Variants in RNF220 observed in about 807,000 individuals in gnomAD.
RNF220 encodes ring finger protein 220, also known as E3 ubiquitin-protein ligase RNF220.
Under a neutral mutation model 67.1 loss-of-function variants are expected in RNF220, and 7 were observed. That is an observed-to-expected ratio of 0.10 (90% confidence interval 0.06 to 0.20). The LOEUF is 0.20. Ranked by LOEUF, RNF220 falls within the 10% of genes least tolerant of loss-of-function variation. RNF220 has a pLI of 1.00. For missense variants in RNF220, 565 were observed against 740.3 expected (o/e 0.76, Z 2.75); for synonymous variants, 270 against 283.2 (o/e 0.95, Z 0.47).
At chr1:44,589,535 A>AT (rs1160973383) in intron 2 of RNF220, among the ~76,000 whole-genome samples, 41 of 146,346 alleles carry the variant, frequency 2.8e-4, no homozygotes, top group African/African-American at 1.0e-3. Context: ...AATGGCGTGA[A>AT]CCCAGGAGGA....
chr1:44,452,769 G>T (rs188858437), intron 2 of RNF220, among the ~76,000 whole-genome samples: 7 of 152,232 alleles, frequency 4.6e-5, no homozygotes, highest in African/African-American at 1.7e-4. Flanking sequence ...ACTGTGCCCA[G>T]CCTCTACCTT....
chr1:44,455,230 A>G (rs1048855342), intron 2 of RNF220, among the ~76,000 whole-genome samples: 6 of 152,148 alleles, frequency 3.9e-5, no homozygotes, highest in African/African-American at 9.7e-5. Context: ...CCTTACTATG[A>G]TTCCCTTTAG....
chr1:44,460,027 A>G (rs1288503426), intron 2 of RNF220, among the ~76,000 whole-genome samples: 1 of 152,172 alleles, frequency 6.6e-6, no homozygotes, highest in Admixed American at 6.5e-5. Context: ...GGGGATGAAC[A>G]GGGAGGGGAC....
At chr1:44,584,316 C>T (rs1665536018) in intron 2 of RNF220, among the ~76,000 whole-genome samples, 1 of 152,232 alleles carries the variant, frequency 6.6e-6, no homozygotes. Flanking sequence ...CTAGTCCAAC[C>T]CTAGCAGCCG....
chr1:44,509,761 C>T (rs140110535), intron 2 of RNF220, among the ~76,000 whole-genome samples: 1,763 of 150,730 alleles, frequency 0.012, 36 homozygotes, highest in African/African-American at 0.041. Context: ...GTGGCACACA[C>T]CTGTCATCCC....
intron 2 of RNF220, among the ~76,000 whole-genome samples, chr1:44,421,375 T>G (rs750124345): frequency 2.0e-5 from 3 of 152,208 alleles, no homozygotes; most frequent in Admixed American, 2.0e-4. Context: ...TGACTAGTAT[T>G]AGAATTCACA....
At chr1:44,437,100 G>A (rs1257369458) in intron 2 of RNF220, among the ~76,000 whole-genome samples, 1 of 152,220 alleles carries the variant, frequency 6.6e-6, no homozygotes, top group South Asian at 2.1e-4. Flanking sequence ...AATCTTCAGA[G>A]AAGTAAGTAT....
chr1:44,607,236 T>A (rs1432354235), intron 2 of RNF220, among the ~76,000 whole-genome samples: 1 of 152,198 alleles, frequency 6.6e-6, no homozygotes, highest in African/African-American at 2.4e-5. Flanking sequence ...ACTTTGCAGT[T>A]AGAATAATCT....
chr1:44,644,529 G>C (rs1184118835), intron 8 of RNF220, 169 bp from the exon 9 acceptor site: 2 of 593,232 alleles, frequency 3.4e-6, no homozygotes, highest in Non-Finnish European at 6.0e-6. Flanking sequence ...TGAAGGGCCT[G>C]AAATGTCAGG....
intron 2 of RNF220, among the ~76,000 whole-genome samples, chr1:44,520,128 T>TGTGTGTGAGAGAGAGA (rs796131470): frequency 1.8e-5 from 2 of 113,372 alleles, no homozygotes; most frequent in African/African-American, 6.4e-5. Context: ...TGTGTGTGTG[T>TGTGTGTGAGAGAGAGA]GAGAGAGAGA....
intron 12 of RNF220, among the ~76,000 whole-genome samples, chr1:44,646,348 G>A (rs935911608): frequency 6.6e-6 from 1 of 152,246 alleles, no homozygotes; most frequent in South Asian, 2.1e-4. Flanking sequence ...ATTCCAGCCC[G>A]TTGTGGTTGA....
At chr1:44,542,154 G>A (rs1323921528) in intron 2 of RNF220, among the ~76,000 whole-genome samples, 1 of 152,328 alleles carries the variant, frequency 6.6e-6, no homozygotes, top group Non-Finnish European at 1.5e-5. Context: ...GGGGGTACCA[G>A]TGCAGACCCA....
At chr1:44,405,571 C>G in intron 1 of RNF220, 41 bp downstream of exon 1, 1 of 343,920 alleles carries the variant, frequency 2.9e-6, no homozygotes, top group South Asian at 5.4e-5. Context: ...TGTGCGTACC[C>G]AAGAGGGGTG....
intron 2 of RNF220, among the ~76,000 whole-genome samples, chr1:44,599,817 G>A (rs1223207520): frequency 6.6e-6 from 1 of 152,212 alleles, no homozygotes; most frequent in Admixed American, 6.5e-5. Flanking sequence ...AGAGGGGCAT[G>A]TATGATAAAG....
chr1:44,551,240 A>C (rs192406679), intron 2 of RNF220, among the ~76,000 whole-genome samples: 5 of 145,498 alleles, frequency 3.4e-5, no homozygotes, highest in East Asian at 2.0e-4. Flanking sequence ...TCAGCTTCCC[A>C]AGTAGCTGGG....
intron 2 of RNF220, among the ~76,000 whole-genome samples, chr1:44,547,797 A>G (rs192172667): frequency 1.1e-4 from 17 of 152,070 alleles, no homozygotes; most frequent in Admixed American, 1.0e-3. Flanking sequence ...CCCAACTCCC[A>G]TGATAATTCA....
At chr1:44,428,716 A>T (rs746313061) in intron 2 of RNF220, among the ~76,000 whole-genome samples, 6 of 151,758 alleles carry the variant, frequency 4.0e-5, no homozygotes, top group Non-Finnish European at 7.4e-5. Context: ...CCATAATATC[A>T]CTTTTCTTTA....
chr1:44,430,711 A>AT (rs951237812), intron 2 of RNF220, among the ~76,000 whole-genome samples: 34 of 151,952 alleles, frequency 2.2e-4, no homozygotes, highest in Non-Finnish European at 3.8e-4. Flanking sequence ...CACCTGGCTA[A>AT]TTTTTTTGTA....
chr1:44,586,262 G>T (rs752365634), intron 2 of RNF220, among the ~76,000 whole-genome samples: 1 of 152,202 alleles, frequency 6.6e-6, no homozygotes, highest in Non-Finnish European at 1.5e-5. Context: ...TGACAATTCG[G>T]TGTGGGCATT....
Sources: allele counts gnomAD v4.1 joint callset (sites outside exome capture counted in the v4.1 genomes callset), GRCh38; gene constraint gnomAD v4.1.1; transcripts MANE v1.5; gene names NCBI Gene and HGNC (gene_info 2026-07-23, HGNC 2026-07-21).